The following SGCD variants were observed in gnomAD, a reference collection of about 807,000 sequenced individuals.
SGCD encodes delta-sarcoglycan.
Under a neutral mutation model 36.6 loss-of-function variants are expected in SGCD, and 18 were observed. That is an observed-to-expected ratio of 0.49 (90% confidence interval 0.34 to 0.73). SGCD has a LOEUF of 0.73. Ranked by LOEUF, SGCD falls within the 30% of genes least tolerant of loss-of-function variation. SGCD has a pLI of 0.01. For missense variants in SGCD, 387 were observed against 346.7 expected, an observed-to-expected ratio of 1.12 and a Z score of -0.92; for synonymous variants, 133 against 130.6, an observed-to-expected ratio of 1.02 and a Z score of -0.12.
In SGCD at chr5:156,537,607, T is replaced by C. The variant is rs543268537; in HGVS notation, c.294+28905T>C. Among the ~76,000 whole-genome samples the C allele has an allele frequency of 2.6e-5, 4 of 152,196 alleles. 1 individual carries two copies. The highest frequency in any genetic ancestry group is 9.6e-5 in the African/African-American group (4 of 41,536). Reference sequence around the variant, plus strand: ...TCTTTGATACTTCCTCTATCAAATCTTCATATTTTATCTGGTGCCTTACGT... The same window carrying C: ...TCTTTGATACTTCCTCTATCAAATCCTCATATTTTATCTGGTGCCTTACGT... On this transcript the variant is annotated intron_variant, in intron 4 of 8. Transcript: ENST00000337851.
intron 1 of SGCD, among the ~76,000 whole-genome samples, chr5:155,922,447 T>C (rs1047454216): frequency 6.6e-6 from 1 of 152,108 alleles, no homozygotes; most frequent in East Asian, 1.9e-4. Context: ...AGAATGAGCA[T>C]ATGCACAGCA....
At chr5:156,460,317 C>T (rs1163510660) in intron 3 of SGCD, among the ~76,000 whole-genome samples, 1 of 152,042 alleles carries the variant, frequency 6.6e-6, no homozygotes, top group African/African-American at 2.4e-5. Context: ...TAAAATATAG[C>T]CCTGCCTTTT....
chr5:156,624,772 C>T (rs377042894), intron 6 of SGCD, among the ~76,000 whole-genome samples: 3 of 151,996 alleles, frequency 2.0e-5, no homozygotes, highest in Admixed American at 6.6e-5. Context: ...TTTTTCTACC[C>T]TCTTTTCGTC....
In SGCD at chr5:156,448,627, C is replaced by A. The variant is rs377272179; in HGVS notation, c.193-59974C>A. Reference sequence around the variant, plus strand: ...CATATAAACTTACTTACCCTCTTGGCAGTTGCCTGTTCCAGGGACAGGCAA... The same window carrying A: ...CATATAAACTTACTTACCCTCTTGGAAGTTGCCTGTTCCAGGGACAGGCAA... On this transcript the variant is annotated intron_variant, in intron 3 of 8. Coordinates refer to ENST00000337851, the MANE Select transcript of SGCD (RefSeq NM_000337.6). 5.3e-5 allele frequency among the ~76,000 whole-genome samples: 8 copies of A among 151,470 alleles called. No homozygotes were observed. The East Asian group carries it at 7.8e-4, about 15-fold the overall frequency.
chr5:156,652,211 T>C (rs1211897471), intron 7 of SGCD, among the ~76,000 whole-genome samples: 1 of 152,096 alleles, frequency 6.6e-6, no homozygotes, highest in Non-Finnish European at 1.5e-5. Context: ...CTGGGTGTGG[T>C]GGCTTACACC....
rs534929558 is a variant in SGCD, at chr5:156,102,864, A to G, written c.-281-15014A>G. Among the ~76,000 whole-genome samples, 268 of 152,340 alleles carry G rather than the reference A, an allele frequency of 1.8e-3. 1 individual carries two copies. The highest frequency in any genetic ancestry group is 6.0e-3 in the African/African-American group (251 of 41,596). On this transcript the variant is annotated intron_variant, in intron 1 of 9. Transcript: ENST00000517913. ...GTGTGTACACACATACATACACACT[A>G]TATAAATATACACATAACACACACA...
chr5:156,634,136 G>A (rs1048103990), intron 6 of SGCD, among the ~76,000 whole-genome samples: 1 of 152,128 alleles, frequency 6.6e-6, no homozygotes, highest in African/African-American at 2.4e-5. Flanking sequence ...AGGACAACGA[G>A]CCTACTCTCC....
intron 3 of SGCD, among the ~76,000 whole-genome samples, chr5:156,171,149 T>C (rs1201358572): frequency 6.6e-6 from 1 of 152,210 alleles, no homozygotes; most frequent in Admixed American, 6.5e-5. Context: ...TATTAACTAA[T>C]TTAAGGTGCT....
chr5:156,221,564 AAAAAAAC>A (rs1764716054), intron 3 of SGCD, among the ~76,000 whole-genome samples: 1 of 151,934 alleles, frequency 6.6e-6, no homozygotes, highest in African/African-American at 2.4e-5. Context: ...GAGATTTAAA[AAAAAAAC>A]AAAAAACAAA....
At chr5:156,159,161 GAAGGTCAAATGAAAT>G (rs1313427842) in intron 3 of SGCD, among the ~76,000 whole-genome samples, 5 of 151,538 alleles carry the variant, frequency 3.3e-5, no homozygotes, top group Non-Finnish European at 7.3e-5. Context: ...AGATTATTTG[GAAGGTCAAATGAAAT>G]AACCAAAGAG....
At chr5:155,872,112 A>G (rs1169184147) in intron 1 of SGCD, among the ~76,000 whole-genome samples, 2 of 152,168 alleles carry the variant, frequency 1.3e-5, no homozygotes, top group African/African-American at 4.8e-5. Flanking sequence ...CTTTCCCAGC[A>G]CCAACAGCTT....
chr5:156,549,640 A>G (rs528700659), intron 4 of SGCD, among the ~76,000 whole-genome samples: 1 of 152,364 alleles, frequency 6.6e-6, no homozygotes, highest in South Asian at 2.1e-4. Flanking sequence ...GGCATTTGCT[A>G]TTAATTGTGG....
chr5:156,673,999 A>T (rs1753409808), intron 7 of SGCD, among the ~76,000 whole-genome samples: 1 of 152,152 alleles, frequency 6.6e-6, no homozygotes, highest in Admixed American at 6.5e-5. Context: ...GCTCTTTGGG[A>T]AATGATGAAA....
At chr5:156,345,032 T>C (rs1220539668) in intron 3 of SGCD, among the ~76,000 whole-genome samples, 1 of 151,942 alleles carries the variant, frequency 6.6e-6, no homozygotes, top group Admixed American at 6.5e-5. Flanking sequence ...TCAGCAAGTG[T>C]AGTGATTATA....
chr5:155,849,292 A>C, the SGCD span, among the ~76,000 whole-genome samples: 2 of 152,132 alleles, frequency 1.3e-5, no homozygotes, highest in Non-Finnish European at 2.9e-5. Flanking sequence ...ATTTAAGTTC[A>C]CCAACTGAAA....
At chr5:156,565,816 G>T (rs1037440185) in intron 4 of SGCD, among the ~76,000 whole-genome samples, 1 of 152,066 alleles carries the variant, frequency 6.6e-6, no homozygotes, top group South Asian at 2.1e-4. Flanking sequence ...CTGTTTCTGT[G>T]TTAGCTTGCT....
chr5:155,955,391 T>A (rs1215545184), intron 1 of SGCD, among the ~76,000 whole-genome samples: 1 of 152,156 alleles, frequency 6.6e-6, no homozygotes, highest in Non-Finnish European at 1.5e-5. Context: ...CTATTTGAAG[T>A]ATTCTGGAAC....
chr5:156,484,313 A>G (rs1266064588), intron 3 of SGCD, among the ~76,000 whole-genome samples: 2 of 152,220 alleles, frequency 1.3e-5, no homozygotes, highest in African/African-American at 4.8e-5. Context: ...TGGAGCACAC[A>G]CAACATGCCA....
At chr5:156,228,834 T>C (rs1346991945) in intron 3 of SGCD, among the ~76,000 whole-genome samples, 1 of 152,080 alleles carries the variant, frequency 6.6e-6, no homozygotes, top group Non-Finnish European at 1.5e-5. Flanking sequence ...TAGCCATCCT[T>C]ATAGTGGTGG....
Sources: allele counts gnomAD v4.1 joint callset (sites outside exome capture counted in the v4.1 genomes callset), GRCh38; gene constraint gnomAD v4.1.1; transcripts MANE v1.5; gene names NCBI Gene and HGNC (gene_info 2026-07-23, HGNC 2026-07-21).